The following ZNF514 variants were observed in gnomAD, a reference collection of about 807,000 sequenced individuals.
ZNF514 encodes the protein zinc finger protein 514.
In ZNF514, 12 loss-of-function variants were observed where a neutral mutation model predicts 9.7. That is an observed-to-expected ratio of 1.24 (90% confidence interval 0.79 to 2.01). The LOEUF is 2.01. ZNF514 is among the 30% of genes most tolerant of loss of function. The pLI is 0.00. For synonymous variants in ZNF514, 158 were observed against 163.7 expected (o/e 0.97, Z 0.27); for missense variants, 467 against 465.5 (o/e 1.00, Z -0.03).
chr2:95,128,761 A>G, the ZNF514 span, among the ~76,000 whole-genome samples: 1 of 151,070 alleles, frequency 6.6e-6, no homozygotes, highest in Non-Finnish European at 1.5e-5. Context: ...GAGGAGAAGA[A>G]GAGGGAGAAA....
Position 95,152,771 on chromosome 2 carries a change from T to C in ZNF514, c.122-2A>G, listed in dbSNP as rs560258150. ...CATATGGTTTGGATACTAGAAGGCCTGATGGTAGAGAAGGAAAAGGATTTT... is the reference window on the plus strand; with the variant it reads ...CATATGGTTTGGATACTAGAAGGCCCGATGGTAGAGAAGGAAAAGGATTTT... On this transcript the variant is annotated splice_acceptor_variant, in intron 3 of 4. Coordinates refer to ENST00000295208, the MANE Select transcript of ZNF514 (RefSeq NM_032788.3). LOFTEE classifies it high-confidence loss of function. 1.9e-6 allele frequency: 3 copies of C among 1,613,768 alleles called. No individual in the cohort carries two copies. The highest frequency in any genetic ancestry group is 2.2e-5 in the South Asian group (2 of 91,076).
At chr2:95,150,881 G>C (rs1673517601) in intron 4 of ZNF514, among the ~76,000 whole-genome samples, 2 of 152,192 alleles carry the variant, frequency 1.3e-5, no homozygotes, top group East Asian at 1.9e-4. Flanking sequence ...CAAGTGCCTT[G>C]AGCACAGAAA....
Position 95,159,429 on chromosome 2 carries a change from T to C in ZNF514, c.-285A>G. The C allele has an allele frequency of 6.3e-6, 1 of 158,818 alleles. No individual in the cohort carries two copies. Among genetic ancestry groups the C allele is most frequent in the Non-Finnish European group, 1.4e-5 (1 of 72,260 alleles). The allele number at this position is 158,818 out of a possible 1,614,324, so 9.8% of individuals were successfully genotyped here. On this transcript the variant is annotated 5_prime_UTR_variant, in exon 1 of 5. The change creates a new upstream start codon in the 5' untranslated region. Coordinates refer to ENST00000295208, the MANE Select transcript of ZNF514 (RefSeq NM_032788.3). ...GCCTCACAGGAGCAGGGACCGACTCTATCAGCCCGGTTCGCCCCGCTGTCC... is the reference window on the plus strand; with the variant it reads ...GCCTCACAGGAGCAGGGACCGACTCCATCAGCCCGGTTCGCCCCGCTGTCC...
At chr2:95,136,030 C>CT in the ZNF514 span, among the ~76,000 whole-genome samples, 9 of 151,964 alleles carry the variant, frequency 5.9e-5, no homozygotes, top group Admixed American at 5.9e-4. Context: ...TACCACTGCA[C>CT]TCTAGCCTGG....
chr2:95,125,262 G>A, the ZNF514 span, among the ~76,000 whole-genome samples: 3 of 128,508 alleles, frequency 2.3e-5, no homozygotes, highest in Non-Finnish European at 4.9e-5. Context: ...GGAGTCTCGC[G>A]TCGCGTCTCG....
chr2:95,129,578 A>G, the ZNF514 span, among the ~76,000 whole-genome samples: 55 of 152,200 alleles, frequency 3.6e-4, no homozygotes, highest in African/African-American at 1.3e-3. Context: ...AACTGCCCCC[A>G]CTTACAGGAT....
Position 95,150,307 on chromosome 2 carries a change from T to C in ZNF514, c.218-40A>G, listed in dbSNP as rs753957201. 4.0e-6 allele frequency: 6 copies of C among 1,501,792 alleles called. No homozygotes were observed. In the Admixed American group the frequency reaches 9.0e-5, roughly 22 times the overall value. The allele number at this position is 1,501,792 out of a possible 1,614,324, so 93.0% of individuals were successfully genotyped here. ...AAAAAAAAAAGAAGACATTCTAGTA[T>C]GTAGAATGTCCTATGTAGCAAGAAA... On this transcript the variant is annotated intron_variant, in intron 4 of 4. Coordinates refer to ENST00000295208, the MANE Select transcript of ZNF514 (RefSeq NM_032788.3).
intron 4 of ZNF514, 88 bp from the exon 5 acceptor site, chr2:95,150,355 G>T: frequency 7.3e-7 from 1 of 1,374,050 alleles, no homozygotes; most frequent in Non-Finnish European, 9.7e-7. Context: ...TAATGAATGT[G>T]AAATAATTAA....
chr2:95,159,266 A>T lies in ZNF514; in HGVS notation c.-122T>A. On this transcript the variant is annotated 5_prime_UTR_variant, in exon 1 of 5. Coordinates refer to ENST00000295208, the MANE Select transcript of ZNF514 (RefSeq NM_032788.3). ...CCCGGCTCGGCTCCTCCTCAGGACC[A>T]GGCTCTGGAACCCAGCTCCCACGTG... 1 of 172,620 alleles carries T rather than the reference A, an allele frequency of 5.8e-6. No homozygotes were observed. The allele number at this position is 172,620 out of a possible 1,614,324, so 10.7% of individuals were successfully genotyped here. A position where few individuals can be genotyped will look rare whatever the true frequency, so the allele number is the denominator to read the frequency against.
chr2:95,150,375 T>C, intron 4 of ZNF514, 108 bp from the exon 5 acceptor site: 1 of 1,270,184 alleles, frequency 7.9e-7, no homozygotes, highest in East Asian at 2.4e-5. Flanking sequence ...AGCTTTAAAA[T>C]AACACCTAAA....
At chr2:95,158,246 C>G (rs1223013776) in intron 1 of ZNF514, among the ~76,000 whole-genome samples, 2 of 152,164 alleles carry the variant, frequency 1.3e-5, no homozygotes, top group Non-Finnish European at 2.9e-5. Flanking sequence ...AATGCCTCTG[C>G]TGTTCCCAGA....
the ZNF514 span, among the ~76,000 whole-genome samples, chr2:95,126,371 C>CAAAAAAAAAAAAAAAAAAAA: frequency 1.9e-5 from 1 of 51,410 alleles, no homozygotes; most frequent in Non-Finnish European, 3.7e-5. Flanking sequence ...AACTCCATCT[C>CAAAAAAAAAAAAAAAAAAAA]AAAAAAAAAA....
chr2:95,132,292 C>T, the ZNF514 span, among the ~76,000 whole-genome samples: 16 of 150,560 alleles, frequency 1.1e-4, no homozygotes, highest in Admixed American at 2.7e-4. Flanking sequence ...AGTAAAATAA[C>T]AAGCAATTCG....
chr2:95,134,425 A>G, the ZNF514 span, among the ~76,000 whole-genome samples: 1 of 152,282 alleles, frequency 6.6e-6, no homozygotes, highest in East Asian at 1.9e-4. Flanking sequence ...AAGGCTCTCC[A>G]GTTCCCTAGG....
the ZNF514 span, among the ~76,000 whole-genome samples, chr2:95,136,340 C>A: frequency 6.6e-6 from 1 of 151,926 alleles, no homozygotes. Flanking sequence ...CACTGCCTCC[C>A]AGGTTCATGT....
intron 1 of ZNF514, among the ~76,000 whole-genome samples, chr2:95,157,967 A>C (rs562171162): frequency 1.3e-5 from 2 of 152,304 alleles, no homozygotes; most frequent in Middle Eastern, 6.8e-3. Flanking sequence ...AGGTCTCTGC[A>C]ACACACTTGA....
intron 1 of ZNF514, among the ~76,000 whole-genome samples, chr2:95,158,210 T>A (rs1673739369): frequency 6.6e-6 from 1 of 151,928 alleles, no homozygotes; most frequent in African/African-American, 2.4e-5. Context: ...GGCCCCAGAG[T>A]CTGCAATTCT....
chr2:95,158,975 G>A, intron 1 of ZNF514: 1 of 1,288,526 alleles, frequency 7.8e-7, no homozygotes, highest in Non-Finnish European at 1.0e-6. Flanking sequence ...CTGATGCTGT[G>A]GAGTCCATAG....
chr2:95,138,123 C>T, the ZNF514 span, among the ~76,000 whole-genome samples: 2 of 152,184 alleles, frequency 1.3e-5, no homozygotes, highest in East Asian at 3.8e-4. Context: ...ACCAGTTGAA[C>T]CTCTTTTCCT....
Sources: allele counts gnomAD v4.1 joint callset (sites outside exome capture counted in the v4.1 genomes callset), GRCh38; gene constraint gnomAD v4.1.1; transcripts MANE v1.5; gene names NCBI Gene and HGNC (gene_info 2026-07-23, HGNC 2026-07-21).